Variants in OTUD7A observed in about 807,000 individuals in gnomAD.
The protein encoded by OTUD7A is OTU domain-containing protein 7A.
In OTUD7A, 12 loss-of-function variants were observed where a neutral mutation model predicts 65.7. The observed-to-expected ratio is 0.18, with a 90% CI of 0.12 to 0.30. The LOEUF (loss-of-function observed/expected upper bound fraction) is 0.30, where lower values mean the gene tolerates loss of function less well. Among genes scored for constraint, OTUD7A ranks in the 10% least tolerant of loss-of-function variants. OTUD7A has a pLI of 1.00. For missense variants in OTUD7A, 1,148 were observed against 1,304.8 expected (o/e 0.88, Z 1.85); for synonymous variants, 641 against 586.3 (o/e 1.09, Z -1.35).
intron 1 of OTUD7A, among the ~76,000 whole-genome samples, chr15:31,809,539 C>A (rs1055765919): frequency 9.8e-5 from 15 of 152,336 alleles, no homozygotes; most frequent in African/African-American, 3.6e-4. Flanking sequence ...CATAAACCTG[C>A]CCAGCAGATT....
At chr15:31,577,163 G>A (rs1889226019) in intron 3 of OTUD7A, among the ~76,000 whole-genome samples, 2 of 152,016 alleles carry the variant, frequency 1.3e-5, no homozygotes, top group Non-Finnish European at 2.9e-5. Context: ...CTATCTTTGT[G>A]GGGGAAATTT....
chr15:31,677,817 C>T (rs1267529374), intron 1 of OTUD7A, among the ~76,000 whole-genome samples: 2 of 152,160 alleles, frequency 1.3e-5, no homozygotes, highest in Non-Finnish European at 2.9e-5. Context: ...GAGTGGGGTG[C>T]TGCTATAAAG....
chr15:31,624,917 G>A lies in OTUD7A; in HGVS notation c.151+30179C>T, dbSNP rs192190012. Among the ~76,000 whole-genome samples, 440 of 152,206 alleles carry A rather than the reference G, an allele frequency of 2.9e-3. 5 individuals carry two copies. The highest frequency in any genetic ancestry group is 0.01 in the African/African-American group (426 of 41,520). ...GCCACCCTCCAAGATAGCCCCCAAG[G>A]ATCCCTCTGTGTGGCCCCCTCCACT... On this transcript the variant is annotated intron_variant, in intron 3 of 12. Transcript: ENST00000307050.
intron 1 of OTUD7A, among the ~76,000 whole-genome samples, chr15:31,689,633 T>C (rs1170864461): frequency 6.6e-6 from 1 of 152,232 alleles, no homozygotes; most frequent in Non-Finnish European, 1.5e-5. Flanking sequence ...AACATGCATT[T>C]GAAATTGGCT....
At chr15:31,526,298 G>T in intron 8 of OTUD7A, 51 bp downstream of exon 8, 1 of 1,497,936 alleles carries the variant, frequency 6.7e-7, no homozygotes. Context: ...TGTAGCCCTG[G>T]GTGGCCTGGA....
chr15:31,798,819 G>T (rs1004400165), intron 1 of OTUD7A, among the ~76,000 whole-genome samples: 3 of 152,314 alleles, frequency 2.0e-5, no homozygotes, highest in East Asian at 1.9e-4. Flanking sequence ...CTTGGGGGGG[G>T]GCTCCTGTCA....
chr15:31,717,392 C>T (rs12906145), intron 1 of OTUD7A, among the ~76,000 whole-genome samples: 2 of 152,118 alleles, frequency 1.3e-5, no homozygotes, highest in Non-Finnish European at 2.9e-5. Flanking sequence ...CCTCCCCTCG[C>T]CCCCCAGTTC....
chr15:31,635,825 G>C (rs555437576), intron 3 of OTUD7A, among the ~76,000 whole-genome samples: 1 of 152,322 alleles, frequency 6.6e-6, no homozygotes, highest in South Asian at 2.1e-4. Context: ...TACAAACGGG[G>C]GCCATGTGGG....
intron 5 of OTUD7A, among the ~76,000 whole-genome samples, chr15:31,535,436 A>G (rs961333879): frequency 4.6e-5 from 7 of 152,146 alleles, no homozygotes; most frequent in African/African-American, 1.7e-4. Context: ...TTTGTTTATA[A>G]ATTACCCAGT....
At chr15:31,618,309 A>G (rs368354651) in intron 3 of OTUD7A, among the ~76,000 whole-genome samples, 4 of 152,310 alleles carry the variant, frequency 2.6e-5, no homozygotes, top group African/African-American at 9.6e-5. Context: ...TGGGATGGCT[A>G]GGTCAAATGG....
chr15:31,613,125 A>C (rs1890480285), intron 3 of OTUD7A, among the ~76,000 whole-genome samples: 1 of 152,176 alleles, frequency 6.6e-6, no homozygotes, highest in Non-Finnish European at 1.5e-5. Context: ...CTCATCTCTC[A>C]CCTTTTACAA....
intron 5 of OTUD7A, among the ~76,000 whole-genome samples, chr15:31,552,007 TG>T (rs968759551): frequency 1.3e-5 from 2 of 152,194 alleles, no homozygotes; most frequent in African/African-American, 4.8e-5. Flanking sequence ...GGGAGGTGTT[TG>T]GGTCATGGGG....
chr15:31,762,205 A>G (rs571231472), intron 1 of OTUD7A, among the ~76,000 whole-genome samples: 28 of 152,344 alleles, frequency 1.8e-4, no homozygotes, highest in African/African-American at 6.3e-4. Context: ...TGTGGTAGCA[A>G]TTCTGCAGTG....
chr15:31,530,241 T>C (rs2042067876), intron 6 of OTUD7A, among the ~76,000 whole-genome samples: 1 of 152,202 alleles, frequency 6.6e-6, no homozygotes, highest in South Asian at 2.1e-4. Flanking sequence ...CCTCATGCAC[T>C]GCTCCCAAAA....
chr15:31,558,482 T>A (rs1383977502), intron 5 of OTUD7A: 3 of 165,154 alleles, frequency 1.8e-5, no homozygotes, highest in Non-Finnish European at 2.7e-5. Flanking sequence ...GGAAAGCACA[T>A]GTCACTTAGT....
At position 31,710,555 on chromosome 15, in the gene OTUD7A, C is replaced by G. The variant is rs547210322; in HGVS notation, c.-99-53478G>C. Among the ~76,000 whole-genome samples the G allele has an allele frequency of 2.6e-5, 4 of 152,036 alleles. No individual in the cohort carries two copies. The East Asian group carries it at 7.7e-4, about 29-fold the overall frequency. On this transcript the variant is annotated intron_variant, in intron 1 of 12. Coordinates refer to ENST00000307050, the MANE Select transcript of OTUD7A (RefSeq NM_001382637.1). ...CAGCAAGACCTCAGGGCAGGGGGCA[C>G]CAGAGGGAGACCTGGGAGGACAAGG... is the stretch of plus-strand genomic sequence containing the variant.
chr15:31,498,942 G>A lies in OTUD7A; in HGVS notation c.1171+2748C>T, dbSNP rs781415789. Reference sequence around the variant, plus strand: ...GCATGCCTAGCCTGGGAAATGGGAGGATTCCTGAACTTGAAGATGGTCAGT... The same window carrying A: ...GCATGCCTAGCCTGGGAAATGGGAGAATTCCTGAACTTGAAGATGGTCAGT... On this transcript the variant is annotated intron_variant, in intron 10 of 12. Coordinates refer to ENST00000307050, the MANE Select transcript of OTUD7A (RefSeq NM_001382637.1). This position sits in a 1 kb window ranked among gnomAD's most constrained non-coding sequence, Gnocchi z 4.2. Among the ~76,000 whole-genome samples, 4 of 152,186 alleles carry A rather than the reference G, an allele frequency of 2.6e-5. No homozygotes were observed. The highest frequency in any genetic ancestry group is 5.9e-5 in the Non-Finnish European group (4 of 68,038).
At chr15:31,745,641 C>G (rs1189359274) in intron 1 of OTUD7A, among the ~76,000 whole-genome samples, 1 of 152,046 alleles carries the variant, frequency 6.6e-6, no homozygotes, top group Admixed American at 6.5e-5. Context: ...ACAGATTTCT[C>G]AGAACACAGA....
At chr15:31,554,554 A>G (rs995351914) in intron 5 of OTUD7A, among the ~76,000 whole-genome samples, 11 of 152,112 alleles carry the variant, frequency 7.2e-5, no homozygotes, top group Admixed American at 4.6e-4. Flanking sequence ...CCTCAATCCA[A>G]TTATCCTCCC....
Sources: allele counts gnomAD v4.1 joint callset (sites outside exome capture counted in the v4.1 genomes callset), GRCh38; gene constraint gnomAD v4.1.1; non-coding constraint Gnocchi (gnomAD v3.1); transcripts MANE v1.5; gene names NCBI Gene and HGNC (gene_info 2026-07-23, HGNC 2026-07-21).